The following GPN1 variants were observed in gnomAD, a reference collection of about 807,000 sequenced individuals.
GPN1 encodes GPN-loop GTPase 1.
GPN1 carries 44 observed loss-of-function variants against 55.9 expected under a neutral mutation model. That is an observed-to-expected ratio of 0.79 (90% CI 0.62 to 1.01). The LOEUF (loss-of-function observed/expected upper bound fraction) is 1.01. GPN1 is among the 50% of genes least tolerant of loss of function. GPN1 has a pLI of 0.00. For synonymous variants in GPN1, 179 were observed against 162.5 expected (o/e 1.10, Z -0.77); for missense variants, 466 against 462.8 (o/e 1.01, Z -0.06).
chr2:27,647,978 G>C, intron 13 of GPN1, 35 bp downstream of exon 13: 1 of 1,153,066 alleles, frequency 8.7e-7, no homozygotes, highest in African/African-American at 1.5e-5. Flanking sequence ...TGGCAACAGA[G>C]CATCTGCTTA....
At chr2:27,645,609 C>T (rs1382127074) in intron 12 of GPN1, among the ~76,000 whole-genome samples, 1 of 151,944 alleles carries the variant, frequency 6.6e-6, no homozygotes, top group African/African-American at 2.4e-5. Context: ...GGAGTGTTTC[C>T]AGTTTTCCAT....
chr2:27,642,958 T>C (rs56254595), intron 12 of GPN1, among the ~76,000 whole-genome samples: 29,074 of 122,126 alleles, frequency 0.24, 3,925 homozygotes, highest in East Asian at 0.55. Flanking sequence ...TATATATATA[T>C]ACACACACAC....
Position 27,641,258 on chromosome 2 carries a change from T to G in GPN1, c.819T>G (p.Tyr273Ter). Reference protein sequence around the residue: ...EEYEREYRPEYERLKKSLANA... With the variant: ...EEYEREYRPE ...TTTACAGGGAGTATCGTCCTGAATA[T>G]GAACGTCTGAAAAAATCACTGGTAA... The change falls in exon 11 of 14, where the codon TAT becomes TAG. Residue 273 changes from tyrosine (Y) to a stop codon, truncating the protein, a stop_gained. Coordinates refer to ENST00000610189, the MANE Select transcript of GPN1 (RefSeq NM_007266.4). LOFTEE classifies it high-confidence loss of function. 1 of 1,609,878 alleles carries G rather than the reference T, an allele frequency of 6.2e-7. No homozygotes were observed. Among genetic ancestry groups the G allele is most frequent in the Non-Finnish European group, 8.5e-7 (1 of 1,176,364 alleles).
chr2:27,635,300 C>CTTTTTTTTTTTTTTTTTTTTTT (rs57185039), intron 7 of GPN1, 66 bp downstream of exon 7: 1 of 406,006 alleles, frequency 2.5e-6, no homozygotes, highest in South Asian at 3.1e-5. Context: ...TCTTCTTCCT[C>CTTTTTTTTTTTTTTTTTTTTTT]TTTTTTTTTT....
At chr2:27,633,859 GTTGT>G (rs1404866104) in intron 5 of GPN1, among the ~76,000 whole-genome samples, 1 of 151,720 alleles carries the variant, frequency 6.6e-6, no homozygotes, top group African/African-American at 2.4e-5. Context: ...AAAGTGTATG[GTTGT>G]TTTAGTCTGT....
chr2:27,630,935 G>A (rs80068752), intron 2 of GPN1, 92 bp from the exon 3 acceptor site: 1 of 718,024 alleles, frequency 1.4e-6, no homozygotes, highest in South Asian at 1.5e-5. Flanking sequence ...AGAGAATGCT[G>A]ACAGGAGAAG....
chr2:27,628,903 C>T (rs1673403577), upstream of GPN1: 2 of 1,480,380 alleles, frequency 1.4e-6, no homozygotes, highest in African/African-American at 1.4e-5. Flanking sequence ...ACTCATCAGC[C>T]CTGCCCGACG....
At chr2:27,645,718 T>A (rs77270579) in intron 12 of GPN1, among the ~76,000 whole-genome samples, 1 of 151,550 alleles carries the variant, frequency 6.6e-6, no homozygotes, top group East Asian at 1.9e-4. Flanking sequence ...TTTTTTTTTT[T>A]AAAACAAATC....
chr2:27,639,611 G>A (rs939974860), intron 9 of GPN1, among the ~76,000 whole-genome samples: 2 of 151,846 alleles, frequency 1.3e-5, no homozygotes, highest in East Asian at 3.9e-4. Flanking sequence ...CCTTGACCTC[G>A]TGGTCTCAAG....
chr2:27,642,738 A>G (rs1314542765), intron 12 of GPN1, among the ~76,000 whole-genome samples: 1 of 151,532 alleles, frequency 6.6e-6, no homozygotes, highest in African/African-American at 2.4e-5. Context: ...CTAATTTTGT[A>G]TTTTTAGTAG....
At position 27,638,968 on chromosome 2, in the gene GPN1, A is replaced by C; in HGVS notation, c.654A>C (p.Thr218=). The change falls in exon 9 of 14, where the codon ACA becomes ACC. Residue 218 remains threonine (T), a synonymous_variant. Transcript: ENST00000610189. ...AAGATGCCTTGAATCAAGAGACTAC[A>C]TACGTCAGTAACCTGACTCGTTCAA... ...AFQDALNQET[T]YVSNLTRSMS... 6.2e-7 allele frequency: 1 copy of C among 1,613,668 alleles called. No individual in the cohort carries two copies. The highest frequency in any genetic ancestry group is 8.5e-7 in the Non-Finnish European group (1 of 1,179,558).
chr2:27,631,386 C>T (rs554619139), intron 3 of GPN1: 12 of 445,578 alleles, frequency 2.7e-5, no homozygotes, highest in Admixed American at 4.1e-5. Context: ...GACTGGGAAA[C>T]TCAGAAATGA....
intron 1 of GPN1, 114 bp downstream of exon 1, chr2:27,629,283 C>CG (rs146892484): frequency 0.18 from 257,848 of 1,440,478 alleles, 30,148 homozygotes; most frequent in East Asian, 0.54. Flanking sequence ...GCATGGCTTT[C>CG]GGGGGCTTCC....
Position 27,629,100 on chromosome 2 carries a change from G to C in GPN1, c.42G>C (p.Gly14=). The part of the protein sequence containing the change: ...SAAAAELQAS[G]GPRHPVCLLV... ...CTGCCGCTGAGCTCCAGGCTTCTGG[G>C]GGTCCGCGGCACCCAGTGTGTCTGT... Residue 14 remains glycine (G), a synonymous_variant, in exon 1 of 14, where the codon GGG becomes GGC. Transcript: ENST00000610189. The C allele has an allele frequency of 1.2e-6, 2 of 1,614,246 alleles. No individual in the cohort carries two copies. Among genetic ancestry groups the C allele is most frequent in the African/African-American group, 1.3e-5 (1 of 75,078 alleles).
intron 5 of GPN1, among the ~76,000 whole-genome samples, chr2:27,634,263 T>C (rs1051998121): frequency 6.6e-6 from 1 of 152,204 alleles, no homozygotes; most frequent in African/African-American, 2.4e-5. Context: ...TAATTCATAA[T>C]TATATCAAAT....
rs1157763896 is a variant in GPN1 at position 27,650,203 on chromosome 2, GACTTTAGC to G, written c.*6_*13del. 1 of 1,544,916 alleles carries G rather than the reference GACTTTAGC, an allele frequency of 6.5e-7. No individual in the cohort carries two copies. The highest frequency in any genetic ancestry group is 8.9e-7 in the Non-Finnish European group (1 of 1,117,370). On this transcript the variant is annotated 3_prime_UTR_variant, in exon 14 of 14. Coordinates refer to ENST00000610189, the MANE Select transcript of GPN1 (RefSeq NM_007266.4). ...ACTGGAAGAGAAACAATAAATAGGA[GACTTTAGC>G]ACACTTCACTTGTTTCTAGAAGTCC...
At chr2:27,628,728 T>C (rs537460428), upstream of GPN1, 35 of 1,550,998 alleles carry the variant, frequency 2.3e-5, no homozygotes, top group Non-Finnish European at 2.7e-5. Context: ...TGCTCCTCGT[T>C]TTCTTGCTGT....
chr2:27,629,753 A>G, intron 1 of GPN1, 106 bp from the exon 2 acceptor site: 1 of 702,644 alleles, frequency 1.4e-6, no homozygotes, highest in Admixed American at 2.2e-5. Context: ...TTTCAGGTAG[A>G]AGAAAATCTA....
intron 9 of GPN1, 123 bp from the exon 10 acceptor site, chr2:27,639,920 C>T: frequency 1.4e-6 from 1 of 739,712 alleles, no homozygotes; most frequent in South Asian, 1.7e-5. Context: ...TGGCTTTTTG[C>T]CAAAGACTTC....
Sources: gnomAD v4.1 joint callset for allele counts (sites outside exome capture counted in the v4.1 genomes callset) on GRCh38, gnomAD v4.1.1 for gene constraint, MANE v1.5 for transcripts, NCBI Gene and HGNC (gene_info 2026-07-23, HGNC 2026-07-21) for gene names.